The following IRF2 variants were observed in gnomAD, a reference collection of about 807,000 sequenced individuals.
IRF2 encodes the protein interferon regulatory factor 2.
In IRF2, 15 loss-of-function variants were observed where a neutral mutation model predicts 40.6. The observed-to-expected ratio is 0.37, with a 90% CI of 0.25 to 0.57. The LOEUF (loss-of-function observed/expected upper bound fraction) is 0.57. Among genes scored for constraint, IRF2 ranks in the 20% least tolerant of loss-of-function variants. The pLI, the probability that IRF2 is intolerant of heterozygous loss-of-function variation, is 0.77. For missense variants in IRF2, 317 were observed against 455.7 expected (o/e 0.70, Z 2.77); for synonymous variants, 151 against 165.5 (o/e 0.91, Z 0.67).
At chr4:184,431,978 T>TG (rs1737898874) in intron 1 of IRF2, 1 of 152,136 alleles carries the variant, frequency 6.6e-6, no homozygotes, top group East Asian at 1.9e-4. Context: ...ATATTAGTGA[T>TG]GGCTTTTAAA....
chr4:184,422,024 C>T (rs1326135510), intron 2 of IRF2, among the ~76,000 whole-genome samples: 4 of 152,132 alleles, frequency 2.6e-5, no homozygotes, highest in South Asian at 2.1e-4. Context: ...CCATTAGCTC[C>T]GGTGAGAGCT....
intron 1 of IRF2, among the ~76,000 whole-genome samples, chr4:184,463,276 G>A (rs1417693019): frequency 6.6e-6 from 1 of 152,186 alleles, no homozygotes; most frequent in Non-Finnish European, 1.5e-5. Context: ...GTCCTTTCAG[G>A]ACTGTACTAC....
At chr4:184,389,384 C>T (rs752499639) in intron 8 of IRF2, among the ~76,000 whole-genome samples, 1 of 152,166 alleles carries the variant, frequency 6.6e-6, no homozygotes, top group South Asian at 2.1e-4. Context: ...CGCCACTGCA[C>T]TCCAGCCAGG....
intron 1 of IRF2, among the ~76,000 whole-genome samples, chr4:184,453,175 A>T (rs527601864): frequency 8.5e-5 from 13 of 152,362 alleles, no homozygotes; most frequent in African/African-American, 2.4e-4. Flanking sequence ...AATTATGAAA[A>T]TCTAAGAGTA....
intron 1 of IRF2, among the ~76,000 whole-genome samples, chr4:184,456,741 C>T (rs940239048): frequency 1.3e-5 from 2 of 152,256 alleles, no homozygotes; most frequent in African/African-American, 4.8e-5. Flanking sequence ...AAGTCAGTCA[C>T]TGCAACTGAA....
chr4:184,470,272 C>T (rs890103653), intron 1 of IRF2, among the ~76,000 whole-genome samples: 31 of 152,104 alleles, frequency 2.0e-4, no homozygotes, highest in Admixed American at 5.9e-4. Context: ...GCATATATTA[C>T]GTATTGTAAT....
intron 7 of IRF2, among the ~76,000 whole-genome samples, chr4:184,391,434 T>C (rs942777924): frequency 1.3e-5 from 2 of 152,216 alleles, no homozygotes; most frequent in African/African-American, 4.8e-5. Flanking sequence ...GAGGAAACAC[T>C]CTGCCTTGCT....
At chr4:184,430,860 A>G (rs1391279398) in intron 1 of IRF2, among the ~76,000 whole-genome samples, 2 of 150,890 alleles carry the variant, frequency 1.3e-5, no homozygotes, top group African/African-American at 4.9e-5. Flanking sequence ...ACGCCCAGCT[A>G]TTTTTTTTTA....
At chr4:184,395,699 GCCTC>G (rs1187513657) in intron 7 of IRF2, among the ~76,000 whole-genome samples, 1 of 152,202 alleles carries the variant, frequency 6.6e-6, no homozygotes, top group Non-Finnish European at 1.5e-5. Context: ...CAACCAGTAA[GCCTC>G]CCTCCACGAG....
At chr4:184,428,732 G>A (rs1172510763) in intron 2 of IRF2, 6 of 541,828 alleles carry the variant, frequency 1.1e-5, no homozygotes, top group East Asian at 4.3e-5. Flanking sequence ...CCAAGAGGTC[G>A]AGGCTGCAGT....
chr4:184,411,462 G>A (rs750084873), intron 5 of IRF2, among the ~76,000 whole-genome samples: 1 of 151,980 alleles, frequency 6.6e-6, no homozygotes, highest in Non-Finnish European at 1.5e-5. Flanking sequence ...CAAACACTGT[G>A]TTACTCCCCT....
intron 6 of IRF2, among the ~76,000 whole-genome samples, chr4:184,403,577 C>T (rs1736745472): frequency 6.6e-6 from 1 of 152,206 alleles, no homozygotes; most frequent in South Asian, 2.1e-4. Flanking sequence ...GACAGAACTA[C>T]ATGACTAATT....
At chr4:184,433,464 C>T (rs142565960) in intron 1 of IRF2, among the ~76,000 whole-genome samples, 69 of 152,304 alleles carry the variant, frequency 4.5e-4, no homozygotes, top group Middle Eastern at 3.4e-3. Context: ...TCCTCACTTA[C>T]GCAACATGCC....
At chr4:184,472,872 C>T (rs62339994) in intron 1 of IRF2, among the ~76,000 whole-genome samples, 28,464 of 152,188 alleles carry the variant, frequency 0.19, 3,349 homozygotes, top group South Asian at 0.26. Flanking sequence ...GCGCCCTGCC[C>T]AGGCTGCCCG....
intron 8 of IRF2, 67 bp from the exon 9 acceptor site, chr4:184,389,133 T>C: frequency 6.7e-7 from 1 of 1,501,072 alleles, no homozygotes; most frequent in Non-Finnish European, 9.3e-7. Flanking sequence ...TAAAAATGCA[T>C]CACTGGCCAG....
chr4:184,418,132 A>G, intron 5 of IRF2, 35 bp downstream of exon 5: 3 of 1,561,096 alleles, frequency 1.9e-6, no homozygotes, highest in Non-Finnish European at 2.7e-6. Context: ...ATAGGATCCC[A>G]ACTTTGGCTT....
In IRF2 at chr4:184,392,775, C is replaced by T. The variant is rs534255865; in HGVS notation, c.695-2026G>A. Among the ~76,000 whole-genome samples, 163 of 152,314 alleles carry T rather than the reference C, an allele frequency of 1.1e-3. 1 individual carries two copies. The highest frequency in any genetic ancestry group is 3.8e-3 in the African/African-American group (160 of 41,572). On this transcript the variant is annotated intron_variant, in intron 7 of 8. Transcript: ENST00000393593. ...GAATGTGGACTCCACTGGTCCCAGC[C>T]TGGAGTCTCTGGGCCTGTTTCTCAG... is the stretch of plus-strand genomic sequence containing the variant.
Position 184,399,043 on chromosome 4 carries a change from T to C in IRF2, c.566A>G (p.Asn189Ser). The C allele has an allele frequency of 4.3e-6, 7 of 1,611,890 alleles. No homozygotes were observed. The highest frequency in any genetic ancestry group is 5.9e-6 in the Non-Finnish European group (7 of 1,178,982). ...GQSHLDSNIE[N>S]QEIVTNPPDI... ...TGGCGGATTGGTGACAATCTCTTGA[T>C]TCTCAATGTTGCTGTCCAGATGGGA... The change falls in exon 7 of 9, where the codon AAT becomes AGT. Residue 189 changes from asparagine to serine, a missense_variant. Physicochemically the swap from Asn to Ser is conservative, Grantham distance 46. This residue lies in a region of IRF2 where 262 missense variants were observed against 334.0 expected (regional missense o/e 0.78). Coordinates refer to ENST00000393593, the MANE Select transcript of IRF2 (RefSeq NM_002199.4).
In IRF2 at chr4:184,474,153, A is replaced by G; in HGVS notation, c.-7+226T>C. 1 of 154,030 alleles carries G rather than the reference A, an allele frequency of 6.5e-6. No individual in the cohort carries two copies. The highest frequency in any genetic ancestry group is 1.4e-5 in the Non-Finnish European group (1 of 69,262). 9.5% of individuals were successfully genotyped at this position (154,030 alleles called of 1,614,324 possible). ...CAGCCTCAGCAGCCCCAGTAGCAGC[A>G]GCAACAGCAGCAGAACCTGCTTCCC... On this transcript the variant is annotated intron_variant, in intron 1 of 8. Coordinates refer to ENST00000393593, the MANE Select transcript of IRF2 (RefSeq NM_002199.4). This position sits in a 1 kb window ranked among gnomAD's most constrained non-coding sequence, Gnocchi z 5.6.
Sources: allele counts gnomAD v4.1 joint callset (sites outside exome capture counted in the v4.1 genomes callset), GRCh38; gene constraint gnomAD v4.1.1; regional missense constraint gnomAD v4.1.1; non-coding constraint Gnocchi (gnomAD v3.1); transcripts MANE v1.5; gene names NCBI Gene and HGNC (gene_info 2026-07-23, HGNC 2026-07-21).